MINDY4: variants seen among roughly 807,000 people sequenced by gnomAD.
MINDY4 encodes the protein MINDY lysine 48 deubiquitinase 4.
A neutral mutation model predicts 87.0 loss-of-function variants in MINDY4; 68 were observed. The observed-to-expected ratio is 0.78, with a 90% CI of 0.64 to 0.96. The LOEUF is 0.96. Among genes scored for constraint, MINDY4 ranks in the 40% least tolerant of loss-of-function variants. The probability of loss-of-function intolerance (pLI) is 0.00; values close to 1 mark genes in which losing one functional copy is unlikely to be tolerated. For synonymous variants in MINDY4, 379 were observed against 363.2 expected (o/e 1.04, Z -0.50); for missense variants, 919 against 928.2 (o/e 0.99, Z 0.13).
rs1397721478 is a variant in MINDY4, at chr7:30,892,002, G to A, written c.2271G>A (p.Leu757=). 1.9e-6 allele frequency: 3 copies of A among 1,614,024 alleles called. No homozygotes were observed. Among genetic ancestry groups the A allele is most frequent in the African/African-American group, 2.7e-5 (2 of 74,934 alleles). Residue 757 remains leucine, a synonymous_variant, in exon 18 of 18, where the codon CTG becomes CTA. Coordinates refer to ENST00000265299, the MANE Select transcript of MINDY4 (RefSeq NM_032222.3). ...SVNWNGSDPI[L] ...ACTGGAACGGCTCAGACCCCATCCT[G>A]TGACCGTTGGATGTGGGTAAACCCT...
At chr7:30,805,530 C>T (rs745842839) in intron 5 of MINDY4, among the ~76,000 whole-genome samples, 1 of 152,008 alleles carries the variant, frequency 6.6e-6, no homozygotes, top group Non-Finnish European at 1.5e-5. Context: ...TGGGGCAGGG[C>T]AAGAAAACGG....
chr7:30,861,187 T>C (rs565765554), intron 13 of MINDY4, among the ~76,000 whole-genome samples: 13 of 152,312 alleles, frequency 8.5e-5, no homozygotes, highest in Non-Finnish European at 1.9e-4. Flanking sequence ...TGCTATGGTG[T>C]TCGGGCCAGG....
chr7:30,804,122 AGATGGCCCCT>A lies in MINDY4; in HGVS notation c.1073+12553_1073+12562del, dbSNP rs547300876. Among the ~76,000 whole-genome samples the A allele has an allele frequency of 1.6e-3, 240 of 152,360 alleles. 2 individuals carry two copies. The highest frequency in any genetic ancestry group is 5.5e-3 in the African/African-American group (229 of 41,576). ...CAGAGGTGGTGTCTCCATTTTGGAA[AGATGGCCCCT>A]GATGCTGAGTTATGTTAGGGGCATA... On this transcript the variant is annotated intron_variant, in intron 5 of 17. Transcript: ENST00000265299.
rs767939745 is a variant in MINDY4 at position 30,872,112 on chromosome 7, C to T, written c.1746-131C>T. 23 of 813,910 alleles carry T rather than the reference C, an allele frequency of 2.8e-5. No individual in the cohort carries two copies. In the Middle Eastern group the frequency reaches 7.1e-4, roughly 25 times the overall value. 50.4% of individuals were successfully genotyped at this position (813,910 alleles called of 1,614,324 possible). On this transcript the variant is annotated intron_variant, in intron 13 of 17. Coordinates refer to ENST00000265299, the MANE Select transcript of MINDY4 (RefSeq NM_032222.3). ...CCTCCGTGGAGGGCACAGAACAGAGCGCTCAGGTTCCCACCAAATCTGGAA... is the reference window on the plus strand; with the variant it reads ...CCTCCGTGGAGGGCACAGAACAGAGTGCTCAGGTTCCCACCAAATCTGGAA...
At chr7:30,805,134 A>G (rs1990010) in intron 5 of MINDY4, among the ~76,000 whole-genome samples, 1 of 152,052 alleles carries the variant, frequency 6.6e-6, no homozygotes, top group African/African-American at 2.4e-5. Flanking sequence ...CAGGTCTGAG[A>G]AAGGTGACTG....
chr7:30,829,489 C>T (rs1436654127), intron 6 of MINDY4, among the ~76,000 whole-genome samples: 1 of 152,204 alleles, frequency 6.6e-6, no homozygotes, highest in Non-Finnish European at 1.5e-5. Context: ...TGTTCACATG[C>T]TCTTCATCTC....
chr7:30,877,035 C>G (rs1454544521), intron 15 of MINDY4, among the ~76,000 whole-genome samples: 1 of 152,098 alleles, frequency 6.6e-6, no homozygotes, highest in African/African-American at 2.4e-5. Flanking sequence ...TGGATGATAC[C>G]CCCAGCATGC....
chr7:30,872,532 G>A (rs138164091), intron 14 of MINDY4, among the ~76,000 whole-genome samples: 17 of 152,318 alleles, frequency 1.1e-4, no homozygotes, highest in East Asian at 3.9e-4. Flanking sequence ...ACAGCTTTAT[G>A]TGCACTGATG....
At chr7:30,830,312 G>A (rs1354665392) in intron 6 of MINDY4, among the ~76,000 whole-genome samples, 1 of 152,188 alleles carries the variant, frequency 6.6e-6, no homozygotes, top group African/African-American at 2.4e-5. Flanking sequence ...TCTTCCCATA[G>A]CAACACATGA....
intron 5 of MINDY4, among the ~76,000 whole-genome samples, chr7:30,818,118 T>C (rs566465662): frequency 6.6e-6 from 1 of 151,866 alleles, no homozygotes. Context: ...TTGAGCATGC[T>C]AAGAATTATT....
intron 6 of MINDY4, among the ~76,000 whole-genome samples, chr7:30,830,820 A>G (rs923758332): frequency 4.6e-5 from 7 of 152,216 alleles, no homozygotes; most frequent in Admixed American, 4.6e-4. Context: ...GTCTTGTCAA[A>G]TAGCGATGTG....
chr7:30,851,787 G>A (rs982205968), intron 10 of MINDY4, among the ~76,000 whole-genome samples: 1 of 152,194 alleles, frequency 6.6e-6, no homozygotes, highest in African/African-American at 2.4e-5. Flanking sequence ...GGACGTCTTG[G>A]GCTACACACC....
intron 10 of MINDY4, among the ~76,000 whole-genome samples, 174 bp downstream of exon 10, chr7:30,850,729 G>C (rs1421796296): frequency 6.6e-6 from 1 of 152,218 alleles, no homozygotes; most frequent in East Asian, 1.9e-4. Context: ...CTCAGGGAGA[G>C]CCCTGGCCTT....
chr7:30,877,084 A>G (rs1790283223), intron 15 of MINDY4, among the ~76,000 whole-genome samples: 1 of 152,120 alleles, frequency 6.6e-6, no homozygotes. Context: ...TTGCGGGAAA[A>G]AAGAATGAGA....
At chr7:30,814,616 GGTGTTGCTTAGATA>G (rs1788096223) in intron 5 of MINDY4, among the ~76,000 whole-genome samples, 2 of 152,190 alleles carry the variant, frequency 1.3e-5, no homozygotes, top group Non-Finnish European at 2.9e-5. Context: ...AAAAGTAGAA[GGTGTTGCTTAGATA>G]AGCAATTATT....
Position 30,782,186 on chromosome 7 carries a change from A to G in MINDY4, c.393A>G (p.Thr131=), listed in dbSNP as rs777450036. 4.3e-5 allele frequency: 69 copies of G among 1,612,740 alleles called. No individual in the cohort carries two copies. The highest frequency in any genetic ancestry group is 1.7e-6 in the Non-Finnish European group (2 of 1,179,420). The change falls in exon 3 of 18, where the codon ACA becomes ACG. Residue 131 remains threonine, a synonymous_variant. Coordinates refer to ENST00000265299, the MANE Select transcript of MINDY4 (RefSeq NM_032222.3). ...CAGATGAAGATGCAGGATGGAGAAC[A>G]TCATTGTCAGAAACAAGCAAAGCCA... ...DLSDEDAGWR[T]SLSETSKARH...
chr7:30,790,770 G>T (rs1584241642), intron 4 of MINDY4, among the ~76,000 whole-genome samples: 1 of 152,200 alleles, frequency 6.6e-6, no homozygotes, highest in South Asian at 2.1e-4. Context: ...GAAATGACAG[G>T]TAGTGGATTG....
intron 5 of MINDY4, among the ~76,000 whole-genome samples, chr7:30,796,518 T>C (rs1787495644): frequency 6.6e-6 from 1 of 152,214 alleles, no homozygotes; most frequent in Non-Finnish European, 1.5e-5. Flanking sequence ...AAATTAAGCA[T>C]TTTAAAAAGC....
rs569579560 is a variant in MINDY4 at position 30,892,007 on chromosome 7, C to G, written c.*2C>G. On this transcript the variant is annotated 3_prime_UTR_variant, in exon 18 of 18. Coordinates refer to ENST00000265299, the MANE Select transcript of MINDY4 (RefSeq NM_032222.3). ...AACGGCTCAGACCCCATCCTGTGAC[C>G]GTTGGATGTGGGTAAACCCTGTGGT... is the stretch of plus-strand genomic sequence containing the variant. 1 of 1,614,140 alleles carries G rather than the reference C, an allele frequency of 6.2e-7. No individual in the cohort carries two copies. Among genetic ancestry groups the G allele is most frequent in the African/African-American group, 1.3e-5 (1 of 75,042 alleles).
Sources: allele counts gnomAD v4.1 joint callset (sites outside exome capture counted in the v4.1 genomes callset), GRCh38; gene constraint gnomAD v4.1.1; transcripts MANE v1.5; gene names NCBI Gene and HGNC (gene_info 2026-07-23, HGNC 2026-07-21).